The following WWOX variants were observed in gnomAD, a reference collection of about 807,000 sequenced individuals.
The protein encoded by WWOX is WW domain-containing oxidoreductase.
WWOX carries 69 observed loss-of-function variants against 46.2 expected under a neutral mutation model. The observed-to-expected ratio is 1.49, with a 90% CI of 1.23 to 1.82. WWOX has a LOEUF of 1.82. Among genes scored for constraint, WWOX ranks in the 40% most tolerant of loss-of-function variants. The probability of loss-of-function intolerance (pLI) is 0.00; values close to 1 mark genes in which losing one functional copy is unlikely to be tolerated. For synonymous variants in WWOX, 359 were observed against 202.6 expected (o/e 1.77, Z -6.56); for missense variants, 919 against 542.6 (o/e 1.69, Z -6.89).
At chr16:78,713,561 A>C (rs2048493625) in intron 8 of WWOX, among the ~76,000 whole-genome samples, 1 of 152,146 alleles carries the variant, frequency 6.6e-6, no homozygotes, top group African/African-American at 2.4e-5. Context: ...TCCCTAATTC[A>C]GTTTAATTTG....
At chr16:78,117,249 T>C (rs1223475713) in intron 4 of WWOX, among the ~76,000 whole-genome samples, 1 of 152,104 alleles carries the variant, frequency 6.6e-6, no homozygotes, top group Non-Finnish European at 1.5e-5. Flanking sequence ...TTGTGGCAAA[T>C]TGTAACGCTC....
intron 8 of WWOX, among the ~76,000 whole-genome samples, chr16:79,089,621 C>T (rs149494962): frequency 2.2e-4 from 34 of 152,300 alleles, no homozygotes; most frequent in African/African-American, 3.8e-4. Context: ...TGAGCCACCA[C>T]GCCCTGCTAA....
At chr16:78,150,795 G>C (rs2034378211) in intron 4 of WWOX, among the ~76,000 whole-genome samples, 1 of 152,186 alleles carries the variant, frequency 6.6e-6, no homozygotes, top group African/African-American at 2.4e-5. Flanking sequence ...CGGGGAATGT[G>C]GGGGTTATCA....
At chr16:78,451,566 A>T (rs2083691853) in intron 8 of WWOX, among the ~76,000 whole-genome samples, 1 of 152,192 alleles carries the variant, frequency 6.6e-6, no homozygotes, top group African/African-American at 2.4e-5. Context: ...GGCCAGCCAC[A>T]TTACCTCCTT....
rs527705794 is a variant in WWOX at position 78,914,348 on chromosome 16, A to C, written c.1057-297260A>C. Among the ~76,000 whole-genome samples, 41 of 152,078 alleles carry C rather than the reference A, an allele frequency of 2.7e-4. 2 individuals carry two copies. Among genetic ancestry groups the C allele is most frequent in the Admixed American group, 4.6e-4 (7 of 15,264 alleles). On this transcript the variant is annotated intron_variant, in intron 8 of 8. Transcript: ENST00000566780. ...CACTCATGTCTTCAGCACTTAGAAC[A>C]GTACCTGGCATATAGGATGAGCTTC...
intron 5 of WWOX, among the ~76,000 whole-genome samples, chr16:78,174,557 A>G (rs919002524): frequency 2.0e-5 from 3 of 152,204 alleles, no homozygotes; most frequent in African/African-American, 7.2e-5. Context: ...CATTTATTAC[A>G]TCCAAATATC....
At chr16:78,819,831 G>T (rs147876869) in intron 8 of WWOX, among the ~76,000 whole-genome samples, 90 of 152,334 alleles carry the variant, frequency 5.9e-4, no homozygotes, top group African/African-American at 1.9e-3. Context: ...AAGAGCTTAC[G>T]TGTTTGCGCC....
At chr16:78,494,133 G>C (rs2978628) in intron 8 of WWOX, among the ~76,000 whole-genome samples, 112,889 of 152,058 alleles carry the variant, frequency 0.74, 44,278 homozygotes, top group Admixed American at 0.86. Flanking sequence ...ATGGCTGGCA[G>C]TGGAGGAAGA....
chr16:78,737,469 A>T (rs2049118100), intron 8 of WWOX, among the ~76,000 whole-genome samples: 1 of 152,046 alleles, frequency 6.6e-6, no homozygotes, highest in Non-Finnish European at 1.5e-5. Flanking sequence ...TGGGGGGAAC[A>T]GGTGGTGTTT....
chr16:78,402,965 C>T (rs561191734), intron 6 of WWOX, among the ~76,000 whole-genome samples: 2 of 152,230 alleles, frequency 1.3e-5, no homozygotes, highest in African/African-American at 4.8e-5. Flanking sequence ...ATTCCCAGGG[C>T]CCAGAAAGTC....
At chr16:78,587,477 A>T (rs1462140958) in intron 8 of WWOX, among the ~76,000 whole-genome samples, 2 of 152,092 alleles carry the variant, frequency 1.3e-5, no homozygotes, top group Non-Finnish European at 2.9e-5. Flanking sequence ...TTGATTCCAA[A>T]CGTGCATGAA....
At chr16:78,955,177 G>A (rs147291213) in intron 8 of WWOX, among the ~76,000 whole-genome samples, 126 of 152,278 alleles carry the variant, frequency 8.3e-4, no homozygotes, top group African/African-American at 2.7e-3. Flanking sequence ...CTGGAGGAGA[G>A]ACTGCAGGGG....
rs768423778 is a variant in WWOX at position 78,919,974 on chromosome 16, G to A, written c.1057-291634G>A. ...CTACCAAACACGTAAGCTTATTTAC[G>A]GTTTGCCTCCTTCTCATGCTTTTGG... On this transcript the variant is annotated intron_variant, in intron 8 of 8. Transcript: ENST00000566780. Among the ~76,000 whole-genome samples the A allele has an allele frequency of 7.9e-5, 12 of 152,100 alleles. 1 individual carries two copies. Among genetic ancestry groups the A allele is most frequent in the East Asian group, 5.8e-4 (3 of 5,190 alleles).
intron 8 of WWOX, among the ~76,000 whole-genome samples, chr16:78,589,710 A>C (rs927627412): frequency 6.6e-6 from 1 of 152,174 alleles, no homozygotes; most frequent in African/African-American, 2.4e-5. Flanking sequence ...TGTGAAGGTA[A>C]AACTGTAGCT....
chr16:78,900,153 AC>A (rs1334624856), intron 8 of WWOX, among the ~76,000 whole-genome samples: 3 of 151,408 alleles, frequency 2.0e-5, no homozygotes, highest in Non-Finnish European at 4.4e-5. Flanking sequence ...GGAGTCAGTA[AC>A]AAACCGTTCA....
chr16:78,734,102 C>G (rs1457719439), intron 8 of WWOX, among the ~76,000 whole-genome samples: 1 of 151,838 alleles, frequency 6.6e-6, no homozygotes, highest in African/African-American at 2.4e-5. Flanking sequence ...GTCCATCCGT[C>G]CATCTATTCA....
At chr16:78,488,477 T>C (rs2084695279) in intron 8 of WWOX, among the ~76,000 whole-genome samples, 1 of 152,182 alleles carries the variant, frequency 6.6e-6, no homozygotes, top group African/African-American at 2.4e-5. Flanking sequence ...GATTCCCTCT[T>C]TAAGGATAAG....
chr16:78,169,688 C>T lies in WWOX; in HGVS notation c.516+5399C>T, dbSNP rs180689768. On this transcript the variant is annotated intron_variant, in intron 5 of 8. Coordinates refer to ENST00000566780, the MANE Select transcript of WWOX (RefSeq NM_016373.4). ...GAACTTGGGATCTAAAACTCTGGTC[C>T]TGTGGAAGAAGGAGGTAGGGTAGAG... Among the ~76,000 whole-genome samples, 194 of 151,998 alleles carry T rather than the reference C, an allele frequency of 1.3e-3. 2 individuals carry two copies. The highest frequency in any genetic ancestry group is 8.1e-3 in the Admixed American group (124 of 15,262).
intron 8 of WWOX, among the ~76,000 whole-genome samples, chr16:78,616,866 G>T (rs1394408218): frequency 6.6e-6 from 1 of 152,126 alleles, no homozygotes; most frequent in African/African-American, 2.4e-5. Context: ...ACTTCCTAAT[G>T]TTACCACTCT....
Sources: allele counts gnomAD v4.1 joint callset (sites outside exome capture counted in the v4.1 genomes callset), GRCh38; gene constraint gnomAD v4.1.1; transcripts MANE v1.5; gene names NCBI Gene and HGNC (gene_info 2026-07-23, HGNC 2026-07-21).